The following QTMAN variants were observed in gnomAD, a reference collection of about 807,000 sequenced individuals.
QTMAN encodes queuosine-tRNA mannosyltransferase.
At chr2:144,188,305 C>T in the QTMAN span, among the ~76,000 whole-genome samples, 2 of 151,896 alleles carry the variant, frequency 1.3e-5, no homozygotes, top group African/African-American at 4.8e-5. Context: ...GCTTTCACAA[C>T]ATTGAAAAGT....
chr2:143,988,054 G>GGTA, the QTMAN span, among the ~76,000 whole-genome samples: 2 of 152,278 alleles, frequency 1.3e-5, no homozygotes, highest in South Asian at 4.1e-4. Context: ...AACCCAAGGA[G>GGTA]GTAGCAGCTT....
At chr2:144,067,854 G>A in the QTMAN span, among the ~76,000 whole-genome samples, 2 of 152,306 alleles carry the variant, frequency 1.3e-5, no homozygotes, top group African/African-American at 2.4e-5. Context: ...TGGGGGAAGT[G>A]CTTTTTCCCC....
the QTMAN span, among the ~76,000 whole-genome samples, chr2:144,328,221 G>A: frequency 6.6e-6 from 1 of 152,160 alleles, no homozygotes; most frequent in African/African-American, 2.4e-5. Context: ...AAAGTGCTGA[G>A]ATTACAAGCA....
At chr2:144,107,906 A>G in the QTMAN span, among the ~76,000 whole-genome samples, 98 of 152,344 alleles carry the variant, frequency 6.4e-4, no homozygotes, top group Non-Finnish European at 1.3e-3. Context: ...CTTATCCCCC[A>G]TGATCAAGTG....
chr2:143,982,100 C>G, the QTMAN span, among the ~76,000 whole-genome samples: 3 of 152,260 alleles, frequency 2.0e-5, no homozygotes, highest in South Asian at 6.2e-4. Context: ...AATAACATCA[C>G]GTGCTATAAA....
the QTMAN span, among the ~76,000 whole-genome samples, chr2:144,303,934 G>A: frequency 3.3e-5 from 5 of 152,206 alleles, no homozygotes; most frequent in Non-Finnish European, 7.3e-5. Context: ...AGATATCAGA[G>A]TTTTAGGAAG....
chr2:143,942,771 A>T, the QTMAN span: 1 of 167,068 alleles, frequency 6.0e-6, no homozygotes, highest in Admixed American at 6.5e-5. Context: ...TAAGCAGAGG[A>T]AAGTCTTCTC....
chr2:144,045,944 G>C, the QTMAN span, among the ~76,000 whole-genome samples: 1 of 152,200 alleles, frequency 6.6e-6, no homozygotes, highest in Admixed American at 6.5e-5. Flanking sequence ...ACAATATATA[G>C]TTGCTGTTGA....
At chr2:144,152,919 C>T in the QTMAN span, among the ~76,000 whole-genome samples, 2 of 152,078 alleles carry the variant, frequency 1.3e-5, no homozygotes, top group Non-Finnish European at 2.9e-5. Flanking sequence ...AGATTGATTA[C>T]GAATGAAGGC....
chr2:144,040,962 T>C, the QTMAN span, among the ~76,000 whole-genome samples: 2 of 152,364 alleles, frequency 1.3e-5, no homozygotes, highest in Non-Finnish European at 1.5e-5. Context: ...ACTAATATCA[T>C]TGAAAATATT....
chr2:144,058,651 G>A, the QTMAN span, among the ~76,000 whole-genome samples: 1 of 152,070 alleles, frequency 6.6e-6, no homozygotes. Flanking sequence ...AGGAGTTCTA[G>A]AGACATGTAT....
the QTMAN span, among the ~76,000 whole-genome samples, chr2:144,223,769 C>T: frequency 4.4e-3 from 671 of 152,198 alleles, 3 homozygotes; most frequent in African/African-American, 7.9e-3. Flanking sequence ...ACATATAAAA[C>T]GATTTTTAAA....
the QTMAN span, among the ~76,000 whole-genome samples, chr2:144,249,661 T>C: frequency 6.6e-6 from 1 of 152,214 alleles, no homozygotes; most frequent in Non-Finnish European, 1.5e-5. Flanking sequence ...GGGAGGTAAC[T>C]GCAAAAGGAT....
the QTMAN span, among the ~76,000 whole-genome samples, chr2:144,028,419 A>T: frequency 2.6e-5 from 4 of 152,240 alleles, no homozygotes; most frequent in Non-Finnish European, 5.9e-5. Flanking sequence ...TCAAACTCTC[A>T]ACCTATAGAT....
the QTMAN span, among the ~76,000 whole-genome samples, chr2:144,019,435 GGTGTGTGTGTGTGT>G: frequency 0.034 from 3,994 of 117,238 alleles, 190 homozygotes; most frequent in African/African-American, 0.11. Flanking sequence ...TAAGCATGCA[GGTGTGTGTGTGTGT>G]GTGTGTGTGT....
the QTMAN span, among the ~76,000 whole-genome samples, chr2:144,306,636 A>T: frequency 3.5e-3 from 526 of 152,284 alleles, 2 homozygotes; most frequent in Non-Finnish European, 3.4e-3. Flanking sequence ...TTGAGGGAAC[A>T]CACACAGTCC....
At chr2:144,246,498 G>A in the QTMAN span, among the ~76,000 whole-genome samples, 60 of 149,258 alleles carry the variant, frequency 4.0e-4, no homozygotes, top group South Asian at 1.7e-3. Context: ...GCGTGAACCC[G>A]GGAAGCGGAG....
chr2:144,262,806 G>A, the QTMAN span, among the ~76,000 whole-genome samples: 1 of 80,684 alleles, frequency 1.2e-5, no homozygotes, highest in Admixed American at 1.2e-4. Flanking sequence ...GAGGTGAGAT[G>A]GGAGGAGAGG....
At chr2:144,328,434 CATT>C in the QTMAN span, among the ~76,000 whole-genome samples, 1 of 152,146 alleles carries the variant, frequency 6.6e-6, no homozygotes, top group African/African-American at 2.4e-5. Flanking sequence ...AGGTGTTTGT[CATT>C]ATTTCAAAAC....
Sources: allele counts gnomAD v4.1 joint callset (sites outside exome capture counted in the v4.1 genomes callset), GRCh38; gene constraint gnomAD v4.1.1; transcripts MANE v1.5; gene names NCBI Gene and HGNC (gene_info 2026-07-23, HGNC 2026-07-21).